The following EVA1A variants were observed in gnomAD, a reference collection of about 807,000 sequenced individuals.
EVA1A encodes eva-1 homolog A, regulator of programmed cell death.
A neutral mutation model predicts 9.8 loss-of-function variants in EVA1A; 7 were observed. That is an observed-to-expected ratio of 0.71 (90% CI 0.41 to 1.34). The LOEUF (loss-of-function observed/expected upper bound fraction) is 1.34, where lower values mean the gene tolerates loss of function less well. EVA1A is among the 40% of genes most tolerant of loss of function. EVA1A has a pLI of 0.01. For missense variants in EVA1A, 206 were observed against 205.9 expected (o/e 1.00, Z 0.00); for synonymous variants, 90 against 85.6 (o/e 1.05, Z -0.28).
intron 1 of EVA1A, among the ~76,000 whole-genome samples, chr2:75,534,402 G>A (rs1675798952): frequency 6.6e-6 from 1 of 151,716 alleles, no homozygotes; most frequent in African/African-American, 2.4e-5. Flanking sequence ...TATATATGTA[G>A]TAACACCTGG....
intron 2 of EVA1A, among the ~76,000 whole-genome samples, chr2:75,519,714 CT>C (rs1675168404): frequency 6.6e-6 from 1 of 152,186 alleles, no homozygotes; most frequent in East Asian, 1.9e-4. Flanking sequence ...AGTTCAGAGG[CT>C]GTTCTACAGA....
intron 2 of EVA1A, among the ~76,000 whole-genome samples, chr2:75,519,999 C>G (rs1030883282): frequency 6.6e-6 from 1 of 152,192 alleles, no homozygotes; most frequent in Non-Finnish European, 1.5e-5. Flanking sequence ...CACAACCCAA[C>G]TCTAATGAAT....
In EVA1A at chr2:75,518,130, G is replaced by C. The variant is rs1180096113; in HGVS notation, c.11C>G (p.Pro4Arg). Reference sequence around the variant, plus strand: ...CACGTGCTCTGGGCTGTGGCTGAGGGGCAGCCTCATGGGACATCCAGAGGG... The same window carrying C: ...CACGTGCTCTGGGCTGTGGCTGAGGCGCAGCCTCATGGGACATCCAGAGGG... MRL[P>R]LSHSPEHVEM... Residue 4 changes from proline to arginine, a missense_variant, in exon 3 of 4, where the codon CCC (proline) becomes CGC (arginine). By Grantham distance (103) the Pro-to-Arg change is moderately radical. Coordinates refer to ENST00000393913, the MANE Select transcript of EVA1A (RefSeq NM_001135032.2). 1.9e-6 allele frequency: 3 copies of C among 1,614,012 alleles called. No homozygotes were observed. The highest frequency in any genetic ancestry group is 1.1e-5 in the South Asian group (1 of 91,074).
chr2:75,558,679 G>C (rs1480618309), intron 1 of EVA1A: 4 of 152,134 alleles, frequency 2.6e-5, no homozygotes, highest in Non-Finnish European at 5.9e-5. Flanking sequence ...GAGGAAGAAG[G>C]GCATTCCAAA....
chr2:75,529,979 A>G (rs769121716), intron 1 of EVA1A, among the ~76,000 whole-genome samples: 1 of 152,218 alleles, frequency 6.6e-6, no homozygotes, highest in Non-Finnish European at 1.5e-5. Flanking sequence ...CTGAAAAGAT[A>G]AACAAAATTG....
intron 3 of EVA1A, among the ~76,000 whole-genome samples, chr2:75,503,178 T>C (rs1572947588): frequency 6.6e-6 from 1 of 152,210 alleles, no homozygotes; most frequent in African/African-American, 2.4e-5. Context: ...TTTTCACAGC[T>C]GATACAATTT....
chr2:75,517,555 CA>C (rs1364074048), intron 3 of EVA1A, among the ~76,000 whole-genome samples: 1 of 152,168 alleles, frequency 6.6e-6, no homozygotes, highest in Non-Finnish European at 1.5e-5. Flanking sequence ...GGACAAATAT[CA>C]GACTCTTCCA....
intron 2 of EVA1A, among the ~76,000 whole-genome samples, chr2:75,519,169 G>A (rs185279686): frequency 6.6e-6 from 1 of 152,328 alleles, no homozygotes; most frequent in Non-Finnish European, 1.5e-5. Flanking sequence ...GAGAGCTCCT[G>A]GGCACGAAGT....
At chr2:75,567,227 A>C (rs1289038514) in intron 1 of EVA1A, among the ~76,000 whole-genome samples, 1 of 152,356 alleles carries the variant, frequency 6.6e-6, no homozygotes, top group Non-Finnish European at 1.5e-5. Context: ...GAGATATCAC[A>C]CTACATTTTA....
At chr2:75,560,179 C>A (rs1488167477) in intron 1 of EVA1A, among the ~76,000 whole-genome samples, 1 of 152,126 alleles carries the variant, frequency 6.6e-6, no homozygotes, top group African/African-American at 2.4e-5. Flanking sequence ...CTGATGCACT[C>A]GGCTTTCGGG....
chr2:75,569,323 G>A (rs1677082241), intron 1 of EVA1A, among the ~76,000 whole-genome samples: 3 of 151,726 alleles, frequency 2.0e-5, no homozygotes, highest in Admixed American at 6.6e-5. Flanking sequence ...TCCCCAACAC[G>A]CCACTGAAAC....
At chr2:75,547,783 TCA>T (rs891529038) in intron 1 of EVA1A, among the ~76,000 whole-genome samples, 4 of 152,182 alleles carry the variant, frequency 2.6e-5, no homozygotes, top group Non-Finnish European at 4.4e-5. Context: ...AATTCAGCAT[TCA>T]CAGAGTCACC....
intron 3 of EVA1A, among the ~76,000 whole-genome samples, chr2:75,496,163 G>A (rs951942426): frequency 6.6e-6 from 1 of 152,124 alleles, no homozygotes; most frequent in African/African-American, 2.4e-5. Flanking sequence ...AACAAAAGGT[G>A]GTCTTGTAAG....
At chr2:75,543,526 A>C (rs560741772) in intron 1 of EVA1A, among the ~76,000 whole-genome samples, 13 of 152,120 alleles carry the variant, frequency 8.5e-5, no homozygotes, top group South Asian at 2.1e-4. Context: ...TGAAAAAAAA[A>C]CAAAAAAAAC....
chr2:75,563,190 T>TCAGGAATCA (rs1676958789), upstream of EVA1A, among the ~76,000 whole-genome samples: 2 of 152,238 alleles, frequency 1.3e-5, no homozygotes, highest in African/African-American at 4.8e-5. Context: ...TCAACAGATT[T>TCAGGAATCA]CAGGAATCAC....
At chr2:75,513,846 A>C (rs1300054728) in intron 3 of EVA1A, among the ~76,000 whole-genome samples, 4 of 152,240 alleles carry the variant, frequency 2.6e-5, no homozygotes, top group Middle Eastern at 3.4e-3. Context: ...GCAACCACCT[A>C]CCTCCAGACT....
At chr2:75,566,847 AT>A (rs11455207) in intron 1 of EVA1A, among the ~76,000 whole-genome samples, 3 of 151,476 alleles carry the variant, frequency 2.0e-5, no homozygotes, top group Non-Finnish European at 4.4e-5. Context: ...TTGCTTCTTT[AT>A]TTTTTTTTCT....
chr2:75,561,837 G>A (rs924313098), upstream of EVA1A, among the ~76,000 whole-genome samples: 4 of 152,164 alleles, frequency 2.6e-5, no homozygotes, highest in African/African-American at 9.7e-5. Context: ...GAAAGGAGAG[G>A]AGCTCCTAGA....
intron 1 of EVA1A, among the ~76,000 whole-genome samples, chr2:75,530,527 A>G (rs1180586689): frequency 6.6e-6 from 1 of 152,156 alleles, no homozygotes; most frequent in African/African-American, 2.4e-5. Context: ...ACTGAATCCA[A>G]CAGTATATCA....
Sources: gnomAD v4.1 joint callset for allele counts (sites outside exome capture counted in the v4.1 genomes callset) on GRCh38, gnomAD v4.1.1 for gene constraint, MANE v1.5 for transcripts, NCBI Gene and HGNC (gene_info 2026-07-23, HGNC 2026-07-21) for gene names.